The following FAIM variants were observed in gnomAD, a reference collection of about 807,000 sequenced individuals.
FAIM encodes Fas apoptotic inhibitory molecule.
FAIM carries 14 observed loss-of-function variants against 21.2 expected under a neutral mutation model. The ratio of observed to expected loss-of-function variants is 0.66; its 90% CI spans 0.44 to 1.03. FAIM has a LOEUF of 1.03. FAIM is among the 50% of genes least tolerant of loss of function. The probability of loss-of-function intolerance (pLI) is 0.00; values close to 1 mark genes in which losing one functional copy is unlikely to be tolerated. For missense variants in FAIM, 222 were observed against 247.1 expected (o/e 0.90, Z 0.68); for synonymous variants, 86 against 80.4 (o/e 1.07, Z -0.37).
At chr3:138,619,153 T>G (rs2042858465) in intron 1 of FAIM, among the ~76,000 whole-genome samples, 1 of 152,260 alleles carries the variant, frequency 6.6e-6, no homozygotes, top group Non-Finnish European at 1.5e-5. Context: ...CCTGTCTGCT[T>G]CTTGCAAACT....
chr3:138,612,327 T>C (rs1293592236), intron 1 of FAIM, among the ~76,000 whole-genome samples: 1 of 152,090 alleles, frequency 6.6e-6, no homozygotes, highest in Admixed American at 6.5e-5. Context: ...GGTCTCGAAC[T>C]CCTGACCTCG....
intron 1 of FAIM, among the ~76,000 whole-genome samples, chr3:138,616,581 G>GTC (rs1457127493): frequency 6.6e-6 from 1 of 152,056 alleles, no homozygotes; most frequent in Non-Finnish European, 1.5e-5. Context: ...CTGGTCTCGA[G>GTC]TTCCTGGCTT....
intron 1 of FAIM, 40 bp from the exon 2 acceptor site, chr3:138,619,671 A>T: frequency 6.3e-7 from 1 of 1,594,300 alleles, no homozygotes; most frequent in African/African-American, 1.3e-5. Flanking sequence ...CTTTGCTGCA[A>T]TTCTGCTTTT....
intron 2 of FAIM, 69 bp downstream of exon 2, chr3:138,619,839 T>G: frequency 1.4e-6 from 2 of 1,390,736 alleles, no homozygotes; most frequent in South Asian, 2.4e-5. Flanking sequence ...AAAAGAGTGA[T>G]TTATCCAAGA....
rs79073593 is a variant in FAIM, at chr3:138,626,228, T to C, written c.407-2879T>C. On this transcript the variant is annotated intron_variant, in intron 4 of 5. Transcript: ENST00000360570. ...CACTAAATCCAGCACTGAGTCATAA[T>C]AGATTTGAAATTTTATCAGCTAGAT... 9.2e-3 allele frequency among the ~76,000 whole-genome samples: 1,396 copies of C among 152,338 alleles called. 25 individuals carry two copies. Among genetic ancestry groups the C allele is most frequent in the African/African-American group, 0.032 (1,323 of 41,578 alleles).
intron 1 of FAIM, among the ~76,000 whole-genome samples, chr3:138,617,695 C>G (rs2042840904): frequency 1.4e-5 from 2 of 144,708 alleles, no homozygotes; most frequent in Non-Finnish European, 3.0e-5. Flanking sequence ...CTCACTCTGT[C>G]ACCCAGGCTG....
intron 4 of FAIM, among the ~76,000 whole-genome samples, chr3:138,626,494 G>A (rs1413936186): frequency 2.6e-5 from 4 of 151,976 alleles, no homozygotes; most frequent in East Asian, 1.9e-4. Flanking sequence ...ATTATATTCC[G>A]AAGATCCTTT....
chr3:138,623,519 C>T (rs1203701112), intron 4 of FAIM, among the ~76,000 whole-genome samples: 1 of 152,140 alleles, frequency 6.6e-6, no homozygotes, highest in East Asian at 1.9e-4. Flanking sequence ...GTCCATGTCA[C>T]CATGCCAGGC....
chr3:138,629,219 C>T, intron 5 of FAIM, 63 bp downstream of exon 5: 1 of 1,311,452 alleles, frequency 7.6e-7, no homozygotes, highest in Non-Finnish European at 1.1e-6. Context: ...ATTGTTGCTG[C>T]ATTTCCTAAT....
intron 1 of FAIM, among the ~76,000 whole-genome samples, chr3:138,618,641 T>C (rs111511007): frequency 6.6e-6 from 1 of 152,126 alleles, no homozygotes; most frequent in African/African-American, 2.4e-5. Flanking sequence ...GCACTCCAGC[T>C]TGGGGGACAG....
Position 138,618,590 on chromosome 3 carries a change from C to T in FAIM, c.-16-1121C>T, listed in dbSNP as rs186083172. 9.8e-5 allele frequency among the ~76,000 whole-genome samples: 15 copies of T among 152,310 alleles called. No individual in the cohort carries two copies. In the East Asian group the frequency reaches 2.7e-3, roughly 27 times the overall value. On this transcript the variant is annotated intron_variant, in intron 1 of 5. Transcript: ENST00000360570. ...GGCTGAGACATGAGAATTGCCTGAA[C>T]CCAGGAGGCAGAAGTTGCAGTGAGC...
At chr3:138,619,347 G>T (rs529167988) in intron 1 of FAIM, among the ~76,000 whole-genome samples, 1 of 152,150 alleles carries the variant, frequency 6.6e-6, no homozygotes, top group Non-Finnish European at 1.5e-5. Flanking sequence ...GGCTTCTTAC[G>T]CTTCAACTTG....
intron 2 of FAIM, among the ~76,000 whole-genome samples, chr3:138,620,381 C>T (rs2042871389): frequency 6.6e-6 from 1 of 152,158 alleles, no homozygotes; most frequent in African/African-American, 2.4e-5. Flanking sequence ...TAAAAAGATA[C>T]ACCAATATCA....
At chr3:138,632,694 C>A (rs944515962) in intron 5 of FAIM, among the ~76,000 whole-genome samples, 4 of 151,928 alleles carry the variant, frequency 2.6e-5, no homozygotes, top group African/African-American at 9.7e-5. Flanking sequence ...GGTTTATATT[C>A]CTCCCCCAAG....
intron 1 of FAIM, among the ~76,000 whole-genome samples, chr3:138,613,621 C>G (rs908385947): frequency 1.3e-5 from 2 of 151,978 alleles, no homozygotes; most frequent in Non-Finnish European, 2.9e-5. Context: ...GTAGCTGGGA[C>G]TACAGGCATG....
At chr3:138,611,816 C>T (rs564883069) in intron 1 of FAIM, among the ~76,000 whole-genome samples, 2 of 152,348 alleles carry the variant, frequency 1.3e-5, no homozygotes, top group Middle Eastern at 3.4e-3. Context: ...TCTCCTTTGC[C>T]TTCTGCCATG....
chr3:138,620,163 G>A (rs191153877), intron 2 of FAIM, among the ~76,000 whole-genome samples: 88 of 152,282 alleles, frequency 5.8e-4, no homozygotes, highest in African/African-American at 2.1e-3. Context: ...TCCTACCTCT[G>A]CCACTTAATG....
Position 138,619,724 on chromosome 3 carries a change from A to G in FAIM, c.-3A>G, listed in dbSNP as rs866048180. Reference sequence around the variant, plus strand: ...ATTGGATTAAAGACTGTTTTTGCCAACCATGGCATCTGGAGATGACAGTCC... The same window carrying G: ...ATTGGATTAAAGACTGTTTTTGCCAGCCATGGCATCTGGAGATGACAGTCC... On this transcript the variant is annotated 5_prime_UTR_variant, in exon 2 of 6. Transcript: ENST00000360570. The G allele has an allele frequency of 6.2e-7, 1 of 1,613,120 alleles. No individual in the cohort carries two copies. Among genetic ancestry groups the G allele is most frequent in the Middle Eastern group, 1.7e-4 (1 of 6,052 alleles).
At chr3:138,610,467 G>T (rs925965533) in intron 1 of FAIM, 5 of 152,866 alleles carry the variant, frequency 3.3e-5, no homozygotes, top group Admixed American at 2.6e-4. Flanking sequence ...TAAAATATTT[G>T]CAAAAATAGA....
Sources: allele counts gnomAD v4.1 joint callset (sites outside exome capture counted in the v4.1 genomes callset), GRCh38; gene constraint gnomAD v4.1.1; transcripts MANE v1.5; gene names NCBI Gene and HGNC (gene_info 2026-07-23, HGNC 2026-07-21).